Variants in WDFY4 observed in about 807,000 individuals in gnomAD.
WDFY4 encodes the protein WD repeat- and FYVE domain-containing protein 4.
A neutral mutation model predicts 351.9 loss-of-function variants in WDFY4; 169 were observed. The ratio of observed to expected loss-of-function variants is 0.48; its 90% CI spans 0.42 to 0.55. The LOEUF (loss-of-function observed/expected upper bound fraction) is 0.55. Ranked by LOEUF, WDFY4 falls within the 20% of genes least tolerant of loss-of-function variation. The pLI, the probability that WDFY4 is intolerant of heterozygous loss-of-function variation, is 0.00. For missense variants in WDFY4, 3,803 were observed against 3,935.6 expected, an observed-to-expected ratio of 0.97 and a Z score of 0.90; for synonymous variants, 1,622 against 1,574.6, an observed-to-expected ratio of 1.03 and a Z score of -0.71.
chr10:48,724,385 A>G (rs947080681), intron 5 of WDFY4, among the ~76,000 whole-genome samples: 2 of 152,114 alleles, frequency 1.3e-5, no homozygotes, highest in Non-Finnish European at 2.9e-5. Flanking sequence ...CCTCATTTCC[A>G]GAGGGTAGTG....
chr10:48,769,650 C>T (rs897159279), intron 13 of WDFY4, among the ~76,000 whole-genome samples: 7 of 152,130 alleles, frequency 4.6e-5, no homozygotes, highest in South Asian at 2.1e-4. Flanking sequence ...ATGCAGAAGA[C>T]GCACATATCT....
At position 48,970,146 on chromosome 10, in the gene WDFY4, G is replaced by A. The variant is rs1051438147; in HGVS notation, c.8785G>A (p.Glu2929Lys). The A allele has an allele frequency of 1.9e-6, 3 of 1,551,414 alleles. No homozygotes were observed. Among genetic ancestry groups the A allele is most frequent in the Non-Finnish European group, 2.6e-6 (3 of 1,146,994 alleles). Residue 2929 changes from glutamate to lysine, a missense_variant, in exon 57 of 62, where the codon GAG (glutamate) becomes AAG (lysine). Glu to Lys is a moderately conservative substitution (Grantham distance 56). This residue lies in a region of WDFY4 where 3,054 missense variants were observed against 3,148.6 expected (regional missense o/e 0.97). Transcript: ENST00000325239. ...TCTCCTACAGGTCCTGATGACATTC[G>A]AGAACCTGGCTGCCTGGGGCCGCTG... ...YGSDKVLMTF[E>K]NLAAWGRCLC...
chr10:48,944,934 G>A (rs1244700993), intron 49 of WDFY4, among the ~76,000 whole-genome samples: 2 of 151,726 alleles, frequency 1.3e-5, no homozygotes, highest in South Asian at 2.1e-4. Context: ...CTGAGTGTGG[G>A]TCTCCGTGTG....
At chr10:48,957,382 C>T in intron 52 of WDFY4, 100 bp downstream of exon 52, 1 of 1,428,162 alleles carries the variant, frequency 7.0e-7, no homozygotes, top group Admixed American at 2.1e-5. Context: ...TTTGCTAGGC[C>T]CTCCCCAGGA....
chr10:48,820,815 C>T (rs2067798379), intron 33 of WDFY4, among the ~76,000 whole-genome samples: 1 of 152,154 alleles, frequency 6.6e-6, no homozygotes. Flanking sequence ...CCACCTGTGG[C>T]ACCTGACAGG....
At chr10:48,922,912 T>A (rs1411016978) in intron 47 of WDFY4, among the ~76,000 whole-genome samples, 1 of 151,572 alleles carries the variant, frequency 6.6e-6, no homozygotes, top group Non-Finnish European at 1.5e-5. Context: ...GAAGGGAGAG[T>A]CACAAGTGAG....
intron 20 of WDFY4, among the ~76,000 whole-genome samples, chr10:48,787,897 C>CTTTCT (rs1565198497): frequency 7.7e-5 from 2 of 26,084 alleles, no homozygotes; most frequent in Non-Finnish European, 1.5e-4. Context: ...TCTTCTCCTT[C>CTTTCT]TTCTTCTTCT....
Position 48,731,096 on chromosome 10 carries a change from G to A in WDFY4, c.1130-14G>A. On this transcript the variant is annotated splice_polypyrimidine_tract_variant and intron_variant, in intron 8 of 61. Transcript: ENST00000325239. ...AGAAATGACTTGTAAGATCATTCTT[G>A]TTTTCCTCCTCAGGGGTGACTGTTA... is the stretch of plus-strand genomic sequence containing the variant. The A allele has an allele frequency of 1.3e-6, 2 of 1,510,066 alleles. No individual in the cohort carries two copies. Among genetic ancestry groups the A allele is most frequent in the Non-Finnish European group, 1.8e-6 (2 of 1,124,090 alleles). 93.5% of individuals were successfully genotyped at this position (1,510,066 alleles called of 1,614,324 possible). A position where few individuals can be genotyped will look rare whatever the true frequency, so the allele number is the denominator to read the frequency against.
intron 40 of WDFY4, among the ~76,000 whole-genome samples, chr10:48,869,348 G>A (rs2069672461): frequency 6.6e-6 from 1 of 152,146 alleles, no homozygotes; most frequent in Admixed American, 6.5e-5. Flanking sequence ...TTGCCCACAG[G>A]GTGGCCAGTA....
intron 47 of WDFY4, among the ~76,000 whole-genome samples, chr10:48,931,073 ACATG>A (rs1436742205): frequency 7.5e-6 from 1 of 134,152 alleles, no homozygotes; most frequent in Non-Finnish European, 1.6e-5. Flanking sequence ...GTACAAACAC[ACATG>A]CATGCACACT....
intron 53 of WDFY4, among the ~76,000 whole-genome samples, chr10:48,963,419 A>G (rs529754675): frequency 1.3e-5 from 2 of 152,350 alleles, no homozygotes; most frequent in South Asian, 4.1e-4. Context: ...CGGTCTCCTG[A>G]TCACTGCACT....
intron 24 of WDFY4, among the ~76,000 whole-genome samples, chr10:48,802,363 A>C (rs2067114449): frequency 6.6e-6 from 1 of 152,192 alleles, no homozygotes; most frequent in African/African-American, 2.4e-5. Context: ...GTCTCTCAAA[A>C]ATAAGAAAAT....
At chr10:48,852,564 A>C (rs183157418) in intron 39 of WDFY4, among the ~76,000 whole-genome samples, 12 of 152,242 alleles carry the variant, frequency 7.9e-5, no homozygotes, top group South Asian at 4.1e-4. Flanking sequence ...CCAAGCATTC[A>C]CCACTCTGTT....
intron 39 of WDFY4, among the ~76,000 whole-genome samples, chr10:48,845,375 A>AG (rs1384185029): frequency 2.6e-5 from 4 of 152,190 alleles, no homozygotes; most frequent in African/African-American, 9.7e-5. Flanking sequence ...CCTTGGGTTA[A>AG]GGCCAGGGAA....
intron 47 of WDFY4, among the ~76,000 whole-genome samples, chr10:48,922,555 C>T (rs577665399): frequency 6.6e-6 from 1 of 152,290 alleles, no homozygotes; most frequent in South Asian, 2.1e-4. Flanking sequence ...AATTGTTGTT[C>T]ATCTCTTACG....
Position 48,727,221 on chromosome 10 carries a change from A to G in WDFY4, c.782-249A>G, listed in dbSNP as rs567576748. Among the ~76,000 whole-genome samples, 9 of 152,188 alleles carry G rather than the reference A, an allele frequency of 5.9e-5. No individual in the cohort carries two copies. In the East Asian group the frequency reaches 1.5e-3, roughly 26 times the overall value. On this transcript the variant is annotated intron_variant, in intron 6 of 61. Transcript: ENST00000325239. ...ACCTGGACTCCCCCTTCTTGCTGAGAATTAGGGACAGAGGGCTGAGGGGCT... is the reference window on the plus strand; with the variant it reads ...ACCTGGACTCCCCCTTCTTGCTGAGGATTAGGGACAGAGGGCTGAGGGGCT...
intron 23 of WDFY4, among the ~76,000 whole-genome samples, chr10:48,795,516 TATATATACATATATATATAC>T (rs1490901681): frequency 5.6e-5 from 6 of 106,298 alleles, no homozygotes; most frequent in African/African-American, 2.3e-4. Context: ...TATATATATA[TATATATACATATATATATAC>T]ACACACATGA....
At chr10:48,721,472 T>C (rs2064086631) in intron 4 of WDFY4, 105 bp downstream of exon 4, 1 of 1,025,828 alleles carries the variant, frequency 9.7e-7, no homozygotes, top group East Asian at 2.6e-5. Flanking sequence ...ATTCGTTTCA[T>C]AAAACAGGTT....
chr10:48,970,365 A>G, intron 57 of WDFY4, 76 bp downstream of exon 57: 2 of 1,503,180 alleles, frequency 1.3e-6, no homozygotes, highest in South Asian at 1.3e-5. Flanking sequence ...TCTGCCTGGC[A>G]TGGCACCTGG....
Sources: allele counts gnomAD v4.1 joint callset (sites outside exome capture counted in the v4.1 genomes callset), GRCh38; gene constraint gnomAD v4.1.1; regional missense constraint gnomAD v4.1.1; transcripts MANE v1.5; gene names NCBI Gene and HGNC (gene_info 2026-07-23, HGNC 2026-07-21).